The following NAV3 variants were observed in gnomAD, a reference collection of about 807,000 sequenced individuals.
The protein encoded by NAV3 is pore membrane and/or filament interacting like protein 1.
Under a neutral mutation model 244.7 loss-of-function variants are expected in NAV3, and 87 were observed. That is an observed-to-expected ratio of 0.36 (90% confidence interval 0.30 to 0.42). NAV3 has a LOEUF of 0.42. NAV3 is among the 20% of genes least tolerant of loss of function. The probability of loss-of-function intolerance (pLI) is 1.00; values close to 1 mark genes in which losing one functional copy is unlikely to be tolerated. For synonymous variants in NAV3, 1,126 were observed against 1,042.2 expected (o/e 1.08, Z -1.55); for missense variants, 2,663 against 2,893.3 (o/e 0.92, Z 1.83).
intron 2 of NAV3, among the ~76,000 whole-genome samples, chr12:77,773,885 G>T (rs1384400657): frequency 6.6e-6 from 1 of 152,052 alleles, no homozygotes; most frequent in African/African-American, 2.4e-5. Flanking sequence ...AGGATTTCTT[G>T]CATTCATAGG....
chr12:78,037,042 C>T (rs1397906362), intron 9 of NAV3: 2 of 702,858 alleles, frequency 2.8e-6, no homozygotes, highest in Admixed American at 2.0e-5. Context: ...CAGAGAGAAG[C>T]CAACTATGCA....
chr12:77,775,638 G>A (rs926714852), intron 2 of NAV3: 1 of 152,106 alleles, frequency 6.6e-6, no homozygotes, highest in East Asian at 1.9e-4. Flanking sequence ...AGAACTTTTG[G>A]GAACAGGTGA....
At position 77,660,758 on chromosome 12, in the gene NAV3, A is replaced by T. The variant is rs114192900; in HGVS notation, c.72+88492A>T. 4.7e-3 allele frequency among the ~76,000 whole-genome samples: 719 copies of T among 152,206 alleles called. 6 individuals are homozygous for T. The highest frequency in any genetic ancestry group is 0.017 in the African/African-American group (699 of 41,532). On this transcript the variant is annotated intron_variant, in intron 2 of 8. Transcript: ENST00000550042. Reference sequence around the variant, plus strand: ...CTCTGTGCCTGTTTGAGAGTCATTTATTGTTTCCATCCCAACCAACCATGG... The same window carrying T: ...CTCTGTGCCTGTTTGAGAGTCATTTTTTGTTTCCATCCCAACCAACCATGG...
chr12:78,149,353 G>T (rs1391610079), intron 22 of NAV3, among the ~76,000 whole-genome samples: 1 of 152,008 alleles, frequency 6.6e-6, no homozygotes, highest in Non-Finnish European at 1.5e-5. Flanking sequence ...ATGAAATTAG[G>T]TCTAAATAGG....
intron 2 of NAV3, among the ~76,000 whole-genome samples, chr12:77,753,822 G>A (rs2135808802): frequency 6.6e-6 from 1 of 152,100 alleles, no homozygotes; most frequent in East Asian, 1.9e-4. Flanking sequence ...GAAGATTATT[G>A]GTACTTACTG....
chr12:78,161,703 A>G (rs898443192), intron 23 of NAV3, among the ~76,000 whole-genome samples: 1 of 152,116 alleles, frequency 6.6e-6, no homozygotes, highest in Non-Finnish European at 1.5e-5. Flanking sequence ...TCACTTTTTT[A>G]ACTGAAAATA....
Position 77,706,802 on chromosome 12 carries a change from C to A in NAV3, c.72+134536C>A, listed in dbSNP as rs1376802592. On this transcript the variant is annotated intron_variant, in intron 2 of 8. Coordinates refer to the NAV3 transcript ENST00000550042. ...AGGAGAATGGCATGAGCCCGGGAGGCGGAGCTTGCAGTGAGCCGAGATAGT... is the reference window on the plus strand; with the variant it reads ...AGGAGAATGGCATGAGCCCGGGAGGAGGAGCTTGCAGTGAGCCGAGATAGT... Among the ~76,000 whole-genome samples, 16 of 127,868 alleles carry A rather than the reference C, an allele frequency of 1.3e-4. No individual in the cohort carries two copies. In the Admixed American group the frequency reaches 1.4e-3, roughly 11 times the overall value. 83.9% of individuals were successfully genotyped at this position (127,868 alleles called of 152,430 possible). A position where few individuals can be genotyped will look rare whatever the true frequency, so the allele number is the denominator to read the frequency against.
At chr12:78,176,111 T>G (rs1478716154) in intron 25 of NAV3, among the ~76,000 whole-genome samples, 1 of 152,012 alleles carries the variant, frequency 6.6e-6, no homozygotes, top group Admixed American at 6.6e-5. Flanking sequence ...TTAACAGAAC[T>G]GTACCTTAAG....
At chr12:77,662,227 G>GTCTATCTATCTATCTATCTATCTA (rs71088326) in intron 2 of NAV3, among the ~76,000 whole-genome samples, 8 of 145,942 alleles carry the variant, frequency 5.5e-5, no homozygotes, top group East Asian at 2.0e-4. Context: ...ATATCTATCT[G>GTCTATCTATCTATCTATCTATCTA]TCTATCTATC....
intron 2 of NAV3, among the ~76,000 whole-genome samples, chr12:77,591,729 T>C (rs942820809): frequency 1.3e-5 from 2 of 152,242 alleles, no homozygotes; most frequent in African/African-American, 4.8e-5. Flanking sequence ...TATAAAGATG[T>C]ATGCCCATGT....
At chr12:77,863,460 T>C (rs1165175422) in intron 1 of NAV3, among the ~76,000 whole-genome samples, 2 of 151,822 alleles carry the variant, frequency 1.3e-5, no homozygotes, top group African/African-American at 2.4e-5. Context: ...GTCTTCATAA[T>C]TATTTCAGCT....
At chr12:77,995,815 A>G (rs1872265239) in intron 6 of NAV3, among the ~76,000 whole-genome samples, 1 of 152,180 alleles carries the variant, frequency 6.6e-6, no homozygotes, top group Non-Finnish European at 1.5e-5. Flanking sequence ...TGGGTAAGGA[A>G]CAGTCACCTG....
rs184281491 is a variant in NAV3, at chr12:78,067,588, C to T, written c.2636+8473C>T. Among the ~76,000 whole-genome samples the T allele has an allele frequency of 1.2e-4, 19 of 152,114 alleles. 1 individual carries two copies. The East Asian group carries it at 3.7e-3, about 29-fold the overall frequency. On this transcript the variant is annotated intron_variant, in intron 12 of 39. Coordinates refer to ENST00000397909, the MANE Select transcript of NAV3 (RefSeq NM_001024383.2). ...TTAGGAAATTAATTCATACCACATC[C>T]ACATGTTGAGAACCTACTCTCTGCC...
intron 3 of NAV3, among the ~76,000 whole-genome samples, chr12:77,952,727 TG>T (rs1479566017): frequency 6.6e-6 from 1 of 152,142 alleles, no homozygotes; most frequent in Admixed American, 6.6e-5. Flanking sequence ...TGCCCAAACT[TG>T]CAATATAAAT....
intron 2 of NAV3, among the ~76,000 whole-genome samples, chr12:77,616,278 G>T (rs1396419969): frequency 6.6e-6 from 1 of 151,938 alleles, no homozygotes; most frequent in Non-Finnish European, 1.5e-5. Context: ...ATGGTGGTGG[G>T]CACCTGTAAT....
chr12:77,829,163 C>T (rs1349053841), upstream of NAV3, among the ~76,000 whole-genome samples: 1 of 152,234 alleles, frequency 6.6e-6, no homozygotes, highest in Non-Finnish European at 1.5e-5. Context: ...CCTTGTGCAG[C>T]TCTTAAATAT....
Position 78,154,338 on chromosome 12 carries a change from G to A in NAV3, c.4786-4865G>A, listed in dbSNP as rs1030009574. Among the ~76,000 whole-genome samples the A allele has an allele frequency of 4.1e-3, 290 of 71,458 alleles. 3 individuals are homozygous for A. Among genetic ancestry groups the A allele is most frequent in the African/African-American group, 0.013 (270 of 21,162 alleles). The allele number at this position is 71,458 out of a possible 152,430, so 46.9% of individuals were successfully genotyped here. A position where few individuals can be genotyped will look rare whatever the true frequency, so the allele number is the denominator to read the frequency against. On this transcript the variant is annotated intron_variant, in intron 22 of 39. Coordinates refer to ENST00000397909, the MANE Select transcript of NAV3 (RefSeq NM_001024383.2). ...GTATATATATAGTATATATTATATAGTAATATATTACTATATAATATATAA... is the reference window on the plus strand; with the variant it reads ...GTATATATATAGTATATATTATATAATAATATATTACTATATAATATATAA...
intron 1 of NAV3, among the ~76,000 whole-genome samples, chr12:77,899,933 G>A (rs1301204842): frequency 6.6e-6 from 1 of 151,982 alleles, no homozygotes; most frequent in Non-Finnish European, 1.5e-5. Context: ...TTGTTACATG[G>A]GTATATTGTG....
intron 1 of NAV3, among the ~76,000 whole-genome samples, chr12:77,913,120 G>A (rs778362396): frequency 9.2e-5 from 14 of 151,886 alleles, no homozygotes; most frequent in Non-Finnish European, 1.6e-4. Context: ...AGCATACTTG[G>A]CCCCAAAACA....
Sources: allele counts gnomAD v4.1 joint callset (sites outside exome capture counted in the v4.1 genomes callset), GRCh38; gene constraint gnomAD v4.1.1; transcripts MANE v1.5; gene names NCBI Gene and HGNC (gene_info 2026-07-23, HGNC 2026-07-21).